The following KALRN variants were observed in gnomAD, a reference collection of about 807,000 sequenced individuals.
The protein encoded by KALRN is kalirin RhoGEF kinase, also known as kalirin.
KALRN carries 70 observed loss-of-function variants against 353.7 expected under a neutral mutation model. The observed-to-expected ratio is 0.20, with a 90% CI of 0.16 to 0.24. KALRN has a LOEUF of 0.24. KALRN is among the 10% of genes least tolerant of loss of function. KALRN has a pLI of 1.00. For synonymous variants in KALRN, 1,391 were observed against 1,434.8 expected, an observed-to-expected ratio of 0.97 and a Z score of 0.69; for missense variants, 2,791 against 3,756.7, an observed-to-expected ratio of 0.74 and a Z score of 6.72.
chr3:124,410,266 T>C (rs1405006127), intron 13 of KALRN: 2 of 533,182 alleles, frequency 3.8e-6, no homozygotes, highest in South Asian at 1.4e-5. Context: ...TGGATCTTCC[T>C]GCAGCAAATA....
At chr3:124,398,924 C>A in intron 13 of KALRN, 53 bp downstream of exon 13, 1 of 1,539,894 alleles carries the variant, frequency 6.5e-7, no homozygotes, top group Non-Finnish European at 8.8e-7. Flanking sequence ...TGCTTCCTGG[C>A]CAAGGGCACT....
rs1383612482 is a variant in KALRN at position 124,326,242 on chromosome 3, G to T, written c.1284+71G>T. On this transcript the variant is annotated intron_variant, in intron 7 of 59. Transcript: ENST00000682506. ...GGGCATGGGCAGGGGAGGGCTGGAT[G>T]GGAGCACACACACTCTCTATAGGGA... 6.9e-6 allele frequency: 9 copies of T among 1,313,668 alleles called. No homozygotes were observed. In the East Asian group the frequency reaches 2.1e-4, roughly 31 times the overall value. The allele number at this position is 1,313,668 out of a possible 1,614,324, so 81.4% of individuals were successfully genotyped here.
chr3:124,134,511 A>G (rs530879845), intron 1 of KALRN, among the ~76,000 whole-genome samples: 2 of 152,338 alleles, frequency 1.3e-5, no homozygotes, highest in African/African-American at 2.4e-5. Context: ...CAATAAAAAC[A>G]AAGATAAATA....
chr3:124,155,092 T>G (rs2068779682), intron 1 of KALRN, among the ~76,000 whole-genome samples: 1 of 152,168 alleles, frequency 6.6e-6, no homozygotes, highest in Admixed American at 6.5e-5. Flanking sequence ...TCCTTACACC[T>G]TATACAAAAA....
At chr3:124,344,614 T>C (rs2082090916) in intron 9 of KALRN, among the ~76,000 whole-genome samples, 1 of 152,252 alleles carries the variant, frequency 6.6e-6, no homozygotes, top group South Asian at 2.1e-4. Flanking sequence ...CCTAAATTAT[T>C]TGCTTTTTGA....
At chr3:124,046,100 T>G (rs2040452806) in intron 1 of KALRN, among the ~76,000 whole-genome samples, 1 of 152,204 alleles carries the variant, frequency 6.6e-6, no homozygotes, top group South Asian at 2.1e-4. Context: ...TATGTGCAGT[T>G]TTATGCATGT....
At chr3:124,610,673 A>G (rs1220859047) in intron 34 of KALRN, among the ~76,000 whole-genome samples, 1 of 152,056 alleles carries the variant, frequency 6.6e-6, no homozygotes, top group Non-Finnish European at 1.5e-5. Flanking sequence ...GCAATACCCC[A>G]GATATCAAAG....
At chr3:124,689,893 C>T (rs111460832) in intron 51 of KALRN, among the ~76,000 whole-genome samples, 1,537 of 152,264 alleles carry the variant, frequency 0.01, 20 homozygotes, top group African/African-American at 0.034. Context: ...TTCAGTAAGA[C>T]GTTATGGTAC....
In KALRN at chr3:124,717,453, A is replaced by T. The variant is rs191867459; in HGVS notation, c.8415+68A>T. 927 of 1,157,522 alleles carry T rather than the reference A, an allele frequency of 8.0e-4. 3 individuals carry two copies. In the African/African-American group the frequency reaches 0.013, roughly 17 times the overall value. 71.7% of individuals were successfully genotyped at this position (1,157,522 alleles called of 1,614,324 possible). A position where few individuals can be genotyped will look rare whatever the true frequency, so the allele number is the denominator to read the frequency against. On this transcript the variant is annotated intron_variant, in intron 59 of 59. Transcript: ENST00000682506. ...TGAAATCCCAGCACTTTGGGAGGCCAAGGTGGGCGGATCACAAGGTCAGGA... is the reference window on the plus strand; with the variant it reads ...TGAAATCCCAGCACTTTGGGAGGCCTAGGTGGGCGGATCACAAGGTCAGGA...
intron 37 of KALRN, among the ~76,000 whole-genome samples, chr3:124,646,713 T>C (rs891190899): frequency 7.0e-6 from 1 of 143,502 alleles, no homozygotes; most frequent in African/African-American, 2.6e-5. Flanking sequence ...TTTTTTTTTT[T>C]AATTAATAGT....
chr3:124,096,764 A>G (rs1559941779), intron 1 of KALRN: 1 of 152,200 alleles, frequency 6.6e-6, no homozygotes, highest in Admixed American at 6.5e-5. Flanking sequence ...TTGGAATATT[A>G]ATAATAATGC....
chr3:124,306,625 A>T (rs2077730292), intron 6 of KALRN, among the ~76,000 whole-genome samples: 1 of 152,194 alleles, frequency 6.6e-6, no homozygotes, highest in Non-Finnish European at 1.5e-5. Flanking sequence ...AGTTTATTTT[A>T]AAATATTTAT....
chr3:124,695,880 TTA>T (rs1184704293), intron 53 of KALRN, among the ~76,000 whole-genome samples: 1 of 152,204 alleles, frequency 6.6e-6, no homozygotes, highest in Admixed American at 6.5e-5. Flanking sequence ...GCTCTAATTC[TTA>T]TGTCATTTTA....
chr3:124,084,016 G>A (rs1022399068), intron 1 of KALRN, among the ~76,000 whole-genome samples: 1 of 152,182 alleles, frequency 6.6e-6, no homozygotes, highest in Non-Finnish European at 1.5e-5. Flanking sequence ...GTTTAACTGT[G>A]GATGACCAAA....
chr3:124,108,473 T>A (rs2062530377), intron 1 of KALRN, among the ~76,000 whole-genome samples: 1 of 152,276 alleles, frequency 6.6e-6, no homozygotes, highest in South Asian at 2.1e-4. Flanking sequence ...CATTAAGTAC[T>A]TCTAGCTGCC....
chr3:124,453,711 C>T (rs13318007), intron 21 of KALRN, among the ~76,000 whole-genome samples: 4,090 of 152,254 alleles, frequency 0.027, 194 homozygotes, highest in African/African-American at 0.091. Context: ...TGAGCAATTT[C>T]AGAGTTTGAA....
intron 49 of KALRN, among the ~76,000 whole-genome samples, chr3:124,676,177 C>T (rs140515258): frequency 3.3e-4 from 50 of 152,338 alleles, no homozygotes; most frequent in Admixed American, 3.1e-3. Flanking sequence ...CTGTTGGCCA[C>T]TTATCCATAC....
At chr3:124,113,522 A>G (rs1208169084) in intron 1 of KALRN, among the ~76,000 whole-genome samples, 1 of 152,204 alleles carries the variant, frequency 6.6e-6, no homozygotes, top group Non-Finnish European at 1.5e-5. Flanking sequence ...ACTAACTTCC[A>G]TTTCTCTTGA....
In KALRN at chr3:124,033,681, G is replaced by A. The variant is rs1365433809; in HGVS notation, c.-60G>A. On this transcript the variant is annotated 5_prime_UTR_variant, in exon 1 of 60. Transcript: ENST00000682506. This position sits in a 1 kb window ranked among gnomAD's most constrained non-coding sequence, Gnocchi z 6.2. ...GCGCCCTCCGCCCACCGGGCGCCGA[G>A]CAGCCCTCGGCCCCAGGCTTCTTCG... 6.6e-6 allele frequency among the ~76,000 whole-genome samples: 1 copy of A among 151,718 alleles called. No homozygotes were observed.
Sources: allele counts gnomAD v4.1 joint callset (sites outside exome capture counted in the v4.1 genomes callset), GRCh38; gene constraint gnomAD v4.1.1; non-coding constraint Gnocchi (gnomAD v3.1); transcripts MANE v1.5; gene names NCBI Gene and HGNC (gene_info 2026-07-23, HGNC 2026-07-21).